Variants in FASTKD2 observed in about 807,000 individuals in gnomAD.
FASTKD2 encodes the protein FAST kinase domain-containing protein 2, mitochondrial.
In FASTKD2, 51 loss-of-function variants were observed where a neutral mutation model predicts 63.6. The ratio of observed to expected loss-of-function variants is 0.80; its 90% CI spans 0.64 to 1.01. The LOEUF (loss-of-function observed/expected upper bound fraction) is 1.01. Among genes scored for constraint, FASTKD2 ranks in the 50% least tolerant of loss-of-function variants. The probability of loss-of-function intolerance (pLI) is 0.00; values close to 1 mark genes in which losing one functional copy is unlikely to be tolerated. For synonymous variants in FASTKD2, 284 were observed against 293.4 expected (o/e 0.97, Z 0.33); for missense variants, 786 against 831.1 (o/e 0.95, Z 0.67).
chr2:206,779,772 C>T (rs1443694947), intron 7 of FASTKD2, among the ~76,000 whole-genome samples: 1 of 152,158 alleles, frequency 6.6e-6, no homozygotes, highest in African/African-American at 2.4e-5. Flanking sequence ...TAGAGAAGGA[C>T]TTACTATTGC....
In FASTKD2 at chr2:206,791,820, T is replaced by G; in HGVS notation, c.*18T>G. The G allele has an allele frequency of 3.1e-6, 5 of 1,609,080 alleles. No homozygotes were observed. The highest frequency in any genetic ancestry group is 1.1e-5 in the South Asian group (1 of 90,942). ...CACAATAAAGTGAAAATCAACCTTT[T>G]CATATTAGGAGACATGCATTTGTAA... On this transcript the variant is annotated 3_prime_UTR_variant, in exon 12 of 12. Coordinates refer to ENST00000402774, the MANE Select transcript of FASTKD2 (RefSeq NM_001136193.2).
intron 2 of FASTKD2, among the ~76,000 whole-genome samples, chr2:206,769,522 T>C (rs896251568): frequency 6.6e-6 from 1 of 152,178 alleles, no homozygotes; most frequent in Non-Finnish European, 1.5e-5. Flanking sequence ...TAAAGGGACC[T>C]GAAAGAAGAA....
chr2:206,766,599 GT>G, intron 1 of FASTKD2, 44 bp from the exon 2 acceptor site: 1 of 1,086,880 alleles, frequency 9.2e-7, no homozygotes, highest in Non-Finnish European at 1.4e-6. Flanking sequence ...TTAAGTAAAA[GT>G]TTTGTTTTAA....
intron 10 of FASTKD2, 46 bp downstream of exon 10, chr2:206,788,949 C>G: frequency 9.9e-7 from 1 of 1,014,952 alleles, no homozygotes; most frequent in Non-Finnish European, 1.6e-6. Flanking sequence ...AATTAAAATC[C>G]TAATTCTAAA....
chr2:206,772,128 G>A, intron 5 of FASTKD2, 53 bp from the exon 6 acceptor site: 1 of 1,588,478 alleles, frequency 6.3e-7, no homozygotes, highest in South Asian at 1.1e-5. Flanking sequence ...AAAGCATGTT[G>A]TATTCAAAAC....
chr2:206,780,680 A>G (rs1689947792), intron 7 of FASTKD2, among the ~76,000 whole-genome samples: 1 of 152,148 alleles, frequency 6.6e-6, no homozygotes, highest in Admixed American at 6.5e-5. Flanking sequence ...GTTTTCAGCC[A>G]CTATTTCCTT....
chr2:206,789,750 C>T (rs1690233537), intron 10 of FASTKD2: 1 of 152,264 alleles, frequency 6.6e-6, no homozygotes, highest in South Asian at 2.1e-4. Context: ...CAACCGCTGT[C>T]TTTCCTATTA....
chr2:206,770,285 C>T (rs1689634974), intron 3 of FASTKD2, 91 bp downstream of exon 3: 3 of 854,620 alleles, frequency 3.5e-6, no homozygotes, highest in Non-Finnish European at 6.0e-6. Flanking sequence ...AAACTCCTTT[C>T]TTGAGGGGAG....
rs768855505 is a variant in FASTKD2 at position 206,786,721 on chromosome 2, T to C, written c.1428-12T>C. The C allele has an allele frequency of 5.6e-6, 9 of 1,613,228 alleles. No homozygotes were observed. Among genetic ancestry groups the C allele is most frequent in the Admixed American group, 5.0e-5 (3 of 59,996 alleles). ...GTATATGTTGGGAAACTGACTTTTC[T>C]TTGTTCCCCAGACAGTTCGTGGAAG... is the stretch of plus-strand genomic sequence containing the variant. On this transcript the variant is annotated splice_polypyrimidine_tract_variant and intron_variant, in intron 7 of 11. Coordinates refer to ENST00000402774, the MANE Select transcript of FASTKD2 (RefSeq NM_001136193.2).
At chr2:206,770,729 CAAA>C (rs549037266) in intron 3 of FASTKD2, among the ~76,000 whole-genome samples, 3 of 77,134 alleles carry the variant, frequency 3.9e-5, no homozygotes, top group Admixed American at 1.6e-4. Context: ...GACTCTGTCT[CAAA>C]AAAAAAAAAA....
rs1438247590 is a variant in FASTKD2 at position 206,766,511 on chromosome 2, A to C, written c.-50-133A>C. The C allele has an allele frequency of 6.7e-6, 4 of 599,788 alleles. No individual in the cohort carries two copies. In the Admixed American group the frequency reaches 8.9e-5, roughly 13 times the overall value. The allele number at this position is 599,788 out of a possible 1,614,324, so 37.2% of individuals were successfully genotyped here. Reference sequence around the variant, plus strand: ...GAGGGAGCCCACATTGGTAAAAAAAACTTTTACTGTTTTATGTAAATGTTT... The same window carrying C: ...GAGGGAGCCCACATTGGTAAAAAAACCTTTTACTGTTTTATGTAAATGTTT... On this transcript the variant is annotated intron_variant, in intron 1 of 11. Coordinates refer to ENST00000402774, the MANE Select transcript of FASTKD2 (RefSeq NM_001136193.2).
At chr2:206,788,686 CACACT>C (rs1273595899) in intron 9 of FASTKD2, 128 bp from the exon 10 acceptor site, 1 of 618,724 alleles carries the variant, frequency 1.6e-6, no homozygotes, top group Non-Finnish European at 2.8e-6. Flanking sequence ...GAGCTGAGAT[CACACT>C]ACTGCACTCC....
chr2:206,793,245 A>C lies in FASTKD2; in HGVS notation c.*1443A>C, dbSNP rs896565196. Among the ~76,000 whole-genome samples the C allele has an allele frequency of 2.7e-5, 4 of 145,476 alleles. No individual in the cohort carries two copies. Among genetic ancestry groups the C allele is most frequent in the African/African-American group, 1.1e-4 (4 of 37,624 alleles). Reference sequence around the variant, plus strand: ...CAAAAAAAAAAAAAAAAAAAAAAAAAAAAAAATACAAAAACTATAGCAATA... The same window carrying C: ...CAAAAAAAAAAAAAAAAAAAAAAAACAAAAAATACAAAAACTATAGCAATA... On this transcript the variant is annotated 3_prime_UTR_variant, in exon 12 of 12. Coordinates refer to ENST00000402774, the MANE Select transcript of FASTKD2 (RefSeq NM_001136193.2).
At chr2:206,788,556 A>C (rs1008886816) in intron 9 of FASTKD2, among the ~76,000 whole-genome samples, 1 of 151,884 alleles carries the variant, frequency 6.6e-6, no homozygotes. Context: ...CAAATGGTAA[A>C]ATCCTGTCTC....
At chr2:206,772,531 T>G (rs892908210) in intron 6 of FASTKD2, among the ~76,000 whole-genome samples, 1 of 152,240 alleles carries the variant, frequency 6.6e-6, no homozygotes, top group Non-Finnish European at 1.5e-5. Flanking sequence ...TGGCTTGACT[T>G]AATATTTTTT....
intron 7 of FASTKD2, among the ~76,000 whole-genome samples, chr2:206,778,025 AT>A (rs1200861338): frequency 3.0e-4 from 45 of 151,812 alleles, no homozygotes; most frequent in Non-Finnish European, 2.8e-4. Flanking sequence ...TTCGTCTCTT[AT>A]TTATTTGAAT....
chr2:206,767,446 G>A lies in FASTKD2; in HGVS notation c.753G>A (p.Val251=), dbSNP rs145680754. 15 of 1,611,668 alleles carry A rather than the reference G, an allele frequency of 9.3e-6. No individual in the cohort carries two copies. The South Asian group carries it at 1.5e-4, about 17-fold the overall frequency. The part of the protein sequence containing the change: ...KLGIPQNTIL[V]QTLLRVTQER... ...GAATCCCTCAGAACACTATTTTGGT[G>A]CAGACTTTGCTGAGGGTGACCCAGG... Residue 251 remains valine (V), a synonymous_variant, in exon 2 of 12, where the codon GTG becomes GTA. Transcript: ENST00000402774.
chr2:206,785,494 A>T (rs946070910), intron 7 of FASTKD2, among the ~76,000 whole-genome samples: 1 of 152,152 alleles, frequency 6.6e-6, no homozygotes, highest in Non-Finnish European at 1.5e-5. Context: ...CAAGACCTGG[A>T]GGAAAGAAAC....
chr2:206,770,089 A>G lies in FASTKD2; in HGVS notation c.778-2A>G. 1 of 1,580,538 alleles carries G rather than the reference A, an allele frequency of 6.3e-7. No individual in the cohort carries two copies. The highest frequency in any genetic ancestry group is 8.7e-7 in the Non-Finnish European group (1 of 1,149,448). On this transcript the variant is annotated splice_acceptor_variant, in intron 2 of 11. Coordinates refer to ENST00000402774, the MANE Select transcript of FASTKD2 (RefSeq NM_001136193.2). LOFTEE classifies it high-confidence loss of function. ...AGTGTTTTTGTAATTATATTTCAAT[A>G]GGAACGTATCAATGAGTGTGATGAG... is the stretch of plus-strand genomic sequence containing the variant.
Sources: gnomAD v4.1 joint callset for allele counts (sites outside exome capture counted in the v4.1 genomes callset) on GRCh38, gnomAD v4.1.1 for gene constraint, MANE v1.5 for transcripts, NCBI Gene and HGNC (gene_info 2026-07-23, HGNC 2026-07-21) for gene names.